SPON1: variants seen among roughly 807,000 people sequenced by gnomAD.
The protein encoded by SPON1 is spondin-1.
In SPON1, 52 loss-of-function variants were observed where a neutral mutation model predicts 111.7. The ratio of observed to expected loss-of-function variants is 0.47; its 90% CI spans 0.37 to 0.59. The LOEUF (loss-of-function observed/expected upper bound fraction) is 0.59, where lower values mean the gene tolerates loss of function less well. SPON1 is among the 20% of genes least tolerant of loss of function. SPON1 has a pLI of 0.00. For missense variants in SPON1, 957 were observed against 1,068.5 expected (o/e 0.90, Z 1.46); for synonymous variants, 410 against 395.8 (o/e 1.04, Z -0.43).
chr11:14,094,410 A>G (rs1407262529), intron 5 of SPON1, among the ~76,000 whole-genome samples: 5 of 152,128 alleles, frequency 3.3e-5, no homozygotes, highest in East Asian at 3.8e-4. Flanking sequence ...TTTATTACCA[A>G]TAATGAATAA....
At chr11:13,995,722 A>C (rs1183846021) in intron 2 of SPON1, among the ~76,000 whole-genome samples, 1 of 152,164 alleles carries the variant, frequency 6.6e-6, no homozygotes, top group African/African-American at 2.4e-5. Context: ...TCAGTATTTT[A>C]TGTACACTGG....
intron 6 of SPON1, among the ~76,000 whole-genome samples, chr11:14,197,806 C>T (rs960201639): frequency 2.0e-5 from 3 of 152,062 alleles, no homozygotes; most frequent in African/African-American, 7.2e-5. Flanking sequence ...CAGAGCGAGA[C>T]TTCCATCTCA....
intron 2 of SPON1, among the ~76,000 whole-genome samples, chr11:14,018,155 G>T (rs939050677): frequency 6.6e-6 from 1 of 152,200 alleles, no homozygotes; most frequent in Non-Finnish European, 1.5e-5. Context: ...GGTAGAAAAT[G>T]TAAGATATAT....
chr11:14,214,348 T>C (rs1848605474), intron 6 of SPON1, among the ~76,000 whole-genome samples: 1 of 152,138 alleles, frequency 6.6e-6, no homozygotes, highest in African/African-American at 2.4e-5. Flanking sequence ...CCAAGTAAGA[T>C]GATGCTTCAG....
intron 6 of SPON1, among the ~76,000 whole-genome samples, chr11:14,182,889 A>G (rs1389928058): frequency 6.6e-6 from 1 of 152,284 alleles, no homozygotes; most frequent in African/African-American, 2.4e-5. Context: ...CCTCTTAGCA[A>G]GGGCCACGAC....
At chr11:14,122,468 C>T (rs1043567066) in intron 5 of SPON1, among the ~76,000 whole-genome samples, 2 of 152,156 alleles carry the variant, frequency 1.3e-5, no homozygotes, top group Non-Finnish European at 1.5e-5. Flanking sequence ...CCACTGTGCC[C>T]GGCCTGTCTC....
intron 5 of SPON1, among the ~76,000 whole-genome samples, chr11:14,125,391 C>T: frequency 6.6e-6 from 1 of 152,106 alleles, no homozygotes; most frequent in East Asian, 1.9e-4. Context: ...AGTTAAGTGA[C>T]CAGTTCATCT....
At chr11:14,161,236 TTTATATA>T (rs1847955791) in intron 6 of SPON1, among the ~76,000 whole-genome samples, 1 of 109,072 alleles carries the variant, frequency 9.2e-6, no homozygotes, top group Admixed American at 1.2e-4. Context: ...TATTTATATA[TTTATATA>T]TCTATATATT....
At chr11:14,133,072 A>G (rs1227897339) in intron 5 of SPON1, among the ~76,000 whole-genome samples, 1 of 152,180 alleles carries the variant, frequency 6.6e-6, no homozygotes, top group South Asian at 2.1e-4. Flanking sequence ...TCTAAGACCA[A>G]TGCCTTTCTT....
rs895112796 is a variant in SPON1 at position 14,255,682 on chromosome 11, C to A, written c.1128C>A (p.Ile376=). The change falls in exon 9 of 16, where the codon ATC becomes ATA. Residue 376 remains isoleucine (I), a synonymous_variant. Transcript: ENST00000576479. Reference sequence around the variant, plus strand: ...AACCCACCATTCCCCAGGAGAAAATCCGGCCCCTGACCAGCCTGGACCATC... The same window carrying A: ...AACCCACCATTCCCCAGGAGAAAATACGGCCCCTGACCAGCCTGGACCATC... ...PNKPTIPQEK[I]RPLTSLDHPQ... 7 of 1,613,812 alleles carry A rather than the reference C, an allele frequency of 4.3e-6. No homozygotes were observed. The African/African-American group carries it at 9.3e-5, about 22-fold the overall frequency.
At chr11:14,182,951 A>G (rs540995672) in intron 6 of SPON1, among the ~76,000 whole-genome samples, 6 of 152,318 alleles carry the variant, frequency 3.9e-5, no homozygotes, top group Non-Finnish European at 7.4e-5. Flanking sequence ...CGTCCAAGCT[A>G]GTGTCTCTGC....
intron 6 of SPON1, among the ~76,000 whole-genome samples, chr11:14,198,645 C>T (rs1848427747): frequency 6.6e-6 from 1 of 152,194 alleles, no homozygotes. Context: ...ACATGACAAT[C>T]CCACTCATTC....
chr11:13,969,748 C>A (rs1554908395), intron 1 of SPON1, among the ~76,000 whole-genome samples: 2 of 152,184 alleles, frequency 1.3e-5, no homozygotes. Flanking sequence ...CCAGCTTCAA[C>A]CTAGCCTTAT....
chr11:14,170,392 TG>T (rs1403133720), intron 6 of SPON1, among the ~76,000 whole-genome samples: 2 of 152,236 alleles, frequency 1.3e-5, no homozygotes, highest in Admixed American at 1.3e-4. Flanking sequence ...CAGGAGATTT[TG>T]GGCTGAGAAG....
chr11:14,263,083 G>A, intron 15 of SPON1, 108 bp downstream of exon 15: 1 of 1,181,768 alleles, frequency 8.5e-7, no homozygotes, highest in Non-Finnish European at 1.2e-6. Context: ...AAGTCGGGGA[G>A]AGTCTGCATC....
At position 14,135,240 on chromosome 11, in the gene SPON1, A is replaced by G; in HGVS notation, c.677-180A>G. The stretch of plus-strand genomic sequence containing the variant: ...CTGTTGACCTGTCTGTACATTCCCA[A>G]GACCTATTTGCTTATAGGAACTCAG... On this transcript the variant is annotated intron_variant, in intron 5 of 15. Coordinates refer to ENST00000576479, the MANE Select transcript of SPON1 (RefSeq NM_006108.4). The surrounding 1 kb of genome is among the most constrained non-coding windows in gnomAD (Gnocchi z 4.4). The G allele has an allele frequency of 3.3e-6, 2 of 598,612 alleles. No individual in the cohort carries two copies. The highest frequency in any genetic ancestry group is 5.6e-6 in the Non-Finnish European group (2 of 356,698). The allele number at this position is 598,612 out of a possible 1,614,324, so 37.1% of individuals were successfully genotyped here.
chr11:14,113,558 T>A (rs1039707247), intron 5 of SPON1, among the ~76,000 whole-genome samples: 7 of 138,842 alleles, frequency 5.0e-5, no homozygotes, highest in Admixed American at 2.2e-4. Context: ...ACCTCCTATG[T>A]ACTTTTTAAA....
intron 15 of SPON1, 78 bp downstream of exon 15, chr11:14,263,053 T>TAAAAAAAA (rs34480564): frequency 2.4e-5 from 23 of 952,528 alleles, no homozygotes; most frequent in Admixed American, 2.4e-4. Flanking sequence ...TGGACCTGTT[T>TAAAAAAAA]AAAAAAAAAA....
At chr11:14,012,865 T>C (rs1282515595) in intron 2 of SPON1, among the ~76,000 whole-genome samples, 1 of 152,222 alleles carries the variant, frequency 6.6e-6, no homozygotes, top group East Asian at 1.9e-4. Context: ...AATAAGTGTT[T>C]GTTGAACAAA....
Sources: gnomAD v4.1 joint callset for allele counts (sites outside exome capture counted in the v4.1 genomes callset) on GRCh38, gnomAD v4.1.1 for gene constraint, Gnocchi (gnomAD v3.1) non-coding constraint, MANE v1.5 for transcripts, NCBI Gene and HGNC (gene_info 2026-07-23, HGNC 2026-07-21) for gene names.